GRIK4: variants seen among roughly 807,000 people sequenced by gnomAD.
GRIK4 encodes the protein glutamate ionotropic receptor kainate type subunit 4, also known as glutamate receptor ionotropic, kainate 4.
In GRIK4, 40 loss-of-function variants were observed where a neutral mutation model predicts 104.9. The ratio of observed to expected loss-of-function variants is 0.38; its 90% CI spans 0.30 to 0.50. GRIK4 has a LOEUF of 0.50. Among genes scored for constraint, GRIK4 ranks in the 20% least tolerant of loss-of-function variants. The probability of loss-of-function intolerance (pLI) is 0.93; values close to 1 mark genes in which losing one functional copy is unlikely to be tolerated. For synonymous variants in GRIK4, 485 were observed against 524.9 expected, an observed-to-expected ratio of 0.92 and a Z score of 1.04; for missense variants, 1,047 against 1,308.1, an observed-to-expected ratio of 0.80 and a Z score of 3.08.
At chr11:120,824,611 G>A (rs566362435) in intron 6 of GRIK4, among the ~76,000 whole-genome samples, 18 of 140,532 alleles carry the variant, frequency 1.3e-4, no homozygotes, top group East Asian at 1.0e-3. Flanking sequence ...GTGCAGTGGC[G>A]CAATCTCAGC....
At chr11:120,774,472 CAAAAGG>C (rs1453678685) in intron 3 of GRIK4, among the ~76,000 whole-genome samples, 1 of 152,130 alleles carries the variant, frequency 6.6e-6, no homozygotes, top group Non-Finnish European at 1.5e-5. Context: ...CAGGTCAGGT[CAAAAGG>C]CAGAAGTCTG....
intron 11 of GRIK4, 60 bp downstream of exon 11, chr11:120,875,303 C>A (rs987980637): frequency 1.8e-6 from 2 of 1,097,882 alleles, no homozygotes; most frequent in South Asian, 1.3e-5. Context: ...TTCATTGATG[C>A]CTCGGTGTTT....
chr11:120,786,374 C>T (rs1398193140), intron 3 of GRIK4, among the ~76,000 whole-genome samples: 1 of 152,246 alleles, frequency 6.6e-6, no homozygotes, highest in African/African-American at 2.4e-5. Flanking sequence ...TCCTGGTATC[C>T]ACATATTCCA....
intron 11 of GRIK4, among the ~76,000 whole-genome samples, chr11:120,877,429 A>G (rs942383608): frequency 6.6e-6 from 1 of 152,210 alleles, no homozygotes; most frequent in Non-Finnish European, 1.5e-5. Flanking sequence ...TTACACTCAG[A>G]TCGTGCCCTC....
In GRIK4 at chr11:120,765,618, G is replaced by A. The variant is rs186030009; in HGVS notation, c.83-37075G>A. ...GATTTATCTACCTTTGGTCTTTGCT[G>A]CTGGTGACCTTCAGATAGAGTTTCT... On this transcript the variant is annotated intron_variant, in intron 3 of 20. Transcript: ENST00000527524. Among the ~76,000 whole-genome samples the A allele has an allele frequency of 1.2e-3, 181 of 152,316 alleles. 1 individual carries two copies. Among genetic ancestry groups the A allele is most frequent in the African/African-American group, 4.2e-3 (175 of 41,576 alleles).
chr11:120,581,744 T>C (rs1300004676), intron 1 of GRIK4, among the ~76,000 whole-genome samples: 1 of 152,172 alleles, frequency 6.6e-6, no homozygotes, highest in Non-Finnish European at 1.5e-5. Flanking sequence ...AGAATTTCCT[T>C]CCTTTTTTTT....
chr11:120,538,478 C>T (rs1948001262), intron 1 of GRIK4, among the ~76,000 whole-genome samples: 1 of 152,246 alleles, frequency 6.6e-6, no homozygotes, highest in African/African-American at 2.4e-5. Context: ...TGAGACTTAA[C>T]ATTCCAAGCA....
intron 1 of GRIK4, among the ~76,000 whole-genome samples, chr11:120,622,698 A>G (rs1949205011): frequency 6.6e-6 from 1 of 152,228 alleles, no homozygotes; most frequent in Non-Finnish European, 1.5e-5. Flanking sequence ...TCTGGAGGCC[A>G]GAAGTCTGCA....
intron 8 of GRIK4, among the ~76,000 whole-genome samples, chr11:120,846,105 A>G (rs1953846586): frequency 6.6e-6 from 1 of 152,248 alleles, no homozygotes; most frequent in Non-Finnish European, 1.5e-5. Context: ...TATGTTCAGA[A>G]GGAGAAAAAA....
chr11:120,652,899 C>T (rs1045859216), intron 1 of GRIK4, among the ~76,000 whole-genome samples: 58 of 152,310 alleles, frequency 3.8e-4, no homozygotes, highest in African/African-American at 1.4e-3. Context: ...AGCATGTGCA[C>T]AGCCAGAATA....
intron 3 of GRIK4, among the ~76,000 whole-genome samples, chr11:120,787,129 G>A (rs1348375860): frequency 7.9e-5 from 12 of 151,498 alleles, no homozygotes. Flanking sequence ...ACCAGCGTAG[G>A]CAACATAGTA....
chr11:120,815,108 T>C (rs566107606), intron 4 of GRIK4, among the ~76,000 whole-genome samples: 2 of 152,390 alleles, frequency 1.3e-5, no homozygotes, highest in East Asian at 3.9e-4. Flanking sequence ...AGACAATTTA[T>C]ACACCCTGTT....
intron 3 of GRIK4, among the ~76,000 whole-genome samples, chr11:120,696,582 C>T (rs750989862): frequency 1.3e-5 from 2 of 151,322 alleles, no homozygotes; most frequent in Non-Finnish European, 2.9e-5. Context: ...CTGAGTTCAT[C>T]GGTGGCTTCC....
At chr11:120,852,215 A>T (rs1013159766) in intron 8 of GRIK4, among the ~76,000 whole-genome samples, 2 of 152,370 alleles carry the variant, frequency 1.3e-5, no homozygotes, top group Admixed American at 6.5e-5. Context: ...AAATAAAAAA[A>T]TGAAGACAGA....
Position 120,785,773 on chromosome 11 carries a change from G to A in GRIK4, c.83-16920G>A, listed in dbSNP as rs568798009. ...ACACAGGGAAATGGTTCTCTGCAGC[G>A]CCTGAGCAGCTTGATTCTGTGCATG... On this transcript the variant is annotated intron_variant, in intron 3 of 20. Coordinates refer to ENST00000527524, the MANE Select transcript of GRIK4 (RefSeq NM_014619.5). 3.9e-5 allele frequency among the ~76,000 whole-genome samples: 6 copies of A among 152,272 alleles called. 1 individual carries two copies. In the South Asian group the frequency reaches 6.2e-4, roughly 16 times the overall value.
At chr11:120,912,008 C>T (rs1052526846) in intron 13 of GRIK4, among the ~76,000 whole-genome samples, 8 of 152,078 alleles carry the variant, frequency 5.3e-5, no homozygotes, top group African/African-American at 1.2e-4. Context: ...TTTTTAAATG[C>T]GTATATGTTT....
chr11:120,665,429 G>A (rs1011733456), intron 3 of GRIK4, among the ~76,000 whole-genome samples: 4 of 152,176 alleles, frequency 2.6e-5, no homozygotes, highest in Non-Finnish European at 5.9e-5. Flanking sequence ...TGTCACCTAG[G>A]GGGGGAATAT....
chr11:120,579,077 C>G (rs890601267), intron 1 of GRIK4, among the ~76,000 whole-genome samples: 3 of 152,164 alleles, frequency 2.0e-5, no homozygotes, highest in Admixed American at 2.0e-4. Flanking sequence ...GATAGTCCAG[C>G]CCAAGTGGCA....
Position 120,864,390 on chromosome 11 carries a change from G to A in GRIK4, c.906+2270G>A, listed in dbSNP as rs1210167311. Among the ~76,000 whole-genome samples the A allele has an allele frequency of 3.9e-5, 6 of 152,066 alleles. No individual in the cohort carries two copies. The South Asian group carries it at 6.3e-4, about 16-fold the overall frequency. On this transcript the variant is annotated intron_variant, in intron 9 of 20. Coordinates refer to ENST00000527524, the MANE Select transcript of GRIK4 (RefSeq NM_014619.5). ...GGAGTAGCTGGGACTACAGGTGCCC[G>A]CCACCGTGCCTGGCTAATTTTTTGT... is the stretch of plus-strand genomic sequence containing the variant.
Sources: allele counts gnomAD v4.1 joint callset (sites outside exome capture counted in the v4.1 genomes callset), GRCh38; gene constraint gnomAD v4.1.1; transcripts MANE v1.5; gene names NCBI Gene and HGNC (gene_info 2026-07-23, HGNC 2026-07-21).